The following DCDC1 variants were observed in gnomAD, a reference collection of about 807,000 sequenced individuals.
The protein encoded by DCDC1 is doublecortin domain-containing protein 1.
Under a neutral mutation model 178.3 loss-of-function variants are expected in DCDC1, and 200 were observed. The ratio of observed to expected loss-of-function variants is 1.12; its 90% CI spans 1.00 to 1.26. The LOEUF (loss-of-function observed/expected upper bound fraction) is 1.26, where lower values mean the gene tolerates loss of function less well. Among genes scored for constraint, DCDC1 ranks in the 50% most tolerant of loss-of-function variants. The pLI, the probability that DCDC1 is intolerant of heterozygous loss-of-function variation, is 0.00. For missense variants in DCDC1, 1,983 were observed against 1,749.2 expected (o/e 1.13, Z -2.38); for synonymous variants, 690 against 604.8 (o/e 1.14, Z -2.07).
rs59940255 is a variant in DCDC1 at position 30,884,033 on chromosome 11, A to ATTTTTTTTTTTTTTTTTTTTTTTTT, written c.5083-2726_5083-2725insAAAAAAAAAAAAAAAAAAAAAAAAA. Among the ~76,000 whole-genome samples, 7 of 95,784 alleles carry ATTTTTTTTTTTTTTTTTTTTTTTTT rather than the reference A, an allele frequency of 7.3e-5. 1 individual carries two copies. Among genetic ancestry groups the ATTTTTTTTTTTTTTTTTTTTTTTTT allele is most frequent in the Admixed American group, 2.5e-4 (2 of 7,846 alleles). The allele number at this position is 95,784 out of a possible 152,430, so 62.8% of individuals were successfully genotyped here. On this transcript the variant is annotated intron_variant, in intron 36 of 38. Coordinates refer to ENST00000684477, the MANE Select transcript of DCDC1 (RefSeq NM_001387274.1). ...AAAGAAAACCAAAGCATTCTTTCTCATTTTTTTTTTTTTTTGAGACAGGGT... is the reference window on the plus strand; with the variant it reads ...AAAGAAAACCAAAGCATTCTTTCTCATTTTTTTTTTTTTTTTTTTTTTTTTTTTTTTTTTTTTTTTGAGACAGGGT...
chr11:31,032,457 CAAAAT>C (rs1953714340), intron 20 of DCDC1, among the ~76,000 whole-genome samples: 1 of 150,986 alleles, frequency 6.6e-6, no homozygotes, highest in Admixed American at 6.6e-5. Context: ...AATCGAGAAA[CAAAAT>C]GAACAAATAA....
intron 9 of DCDC1, among the ~76,000 whole-genome samples, chr11:31,203,207 T>TA (rs1330072381): frequency 6.6e-6 from 1 of 152,160 alleles, no homozygotes; most frequent in Non-Finnish European, 1.5e-5. Context: ...AAATAAACAT[T>TA]ATAGTATGCT....
intron 3 of DCDC1, among the ~76,000 whole-genome samples, chr11:31,321,674 C>T (rs1949368459): frequency 6.6e-6 from 1 of 152,156 alleles, no homozygotes; most frequent in Non-Finnish European, 1.5e-5. Context: ...CATCTTGGCT[C>T]CTCCCCGCCC....
intron 22 of DCDC1, among the ~76,000 whole-genome samples, chr11:30,930,646 T>G (rs1012246304): frequency 6.6e-6 from 1 of 152,164 alleles, no homozygotes; most frequent in Non-Finnish European, 1.5e-5. Context: ...TCGGATTACC[T>G]GACTGAACCA....
chr11:31,312,163 C>T (rs780643289), intron 3 of DCDC1, among the ~76,000 whole-genome samples: 9 of 152,172 alleles, frequency 5.9e-5, no homozygotes, highest in Non-Finnish European at 1.3e-4. Flanking sequence ...ATTATAGGGA[C>T]TCTCATCCAG....
At chr11:31,339,282 A>T (rs1565631302) in intron 1 of DCDC1, among the ~76,000 whole-genome samples, 1 of 152,170 alleles carries the variant, frequency 6.6e-6, no homozygotes, top group Non-Finnish European at 1.5e-5. Flanking sequence ...GCCTTTAGGG[A>T]GGCAATTAAG....
intron 35 of DCDC1, among the ~76,000 whole-genome samples, chr11:30,893,874 T>C (rs567320345): frequency 6.6e-6 from 1 of 152,180 alleles, no homozygotes; most frequent in Non-Finnish European, 1.5e-5. Context: ...CCATTGCAAT[T>C]AGTATTTTAC....
chr11:30,907,368 T>C (rs947364794), intron 29 of DCDC1, among the ~76,000 whole-genome samples: 2 of 152,170 alleles, frequency 1.3e-5, no homozygotes, highest in Admixed American at 6.5e-5. Flanking sequence ...ATCCCACTCT[T>C]ATTTGCATGC....
chr11:30,962,590 GATTA>G (rs935021248), intron 20 of DCDC1, among the ~76,000 whole-genome samples: 8 of 151,872 alleles, frequency 5.3e-5, no homozygotes, highest in Non-Finnish European at 1.2e-4. Context: ...ATTTTTCAAA[GATTA>G]ATTATTAAAT....
chr11:31,122,149 T>G (rs919424398), intron 11 of DCDC1, among the ~76,000 whole-genome samples: 1 of 152,112 alleles, frequency 6.6e-6, no homozygotes, highest in Non-Finnish European at 1.5e-5. Flanking sequence ...CTGGAATTAA[T>G]GCAAGATGGT....
chr11:31,257,957 A>G (rs1372028954), intron 8 of DCDC1, among the ~76,000 whole-genome samples: 1 of 152,236 alleles, frequency 6.6e-6, no homozygotes, highest in Non-Finnish European at 1.5e-5. Flanking sequence ...TCCAATGCTT[A>G]GAAGAGTTGG....
At chr11:31,352,931 G>A (rs1357968158) in intron 1 of DCDC1, among the ~76,000 whole-genome samples, 2 of 152,146 alleles carry the variant, frequency 1.3e-5, no homozygotes, top group Non-Finnish European at 2.9e-5. Context: ...CAATTAGAAT[G>A]ACTATTTTAT....
At chr11:30,988,570 T>C (rs1378003191) in intron 20 of DCDC1, among the ~76,000 whole-genome samples, 1 of 152,206 alleles carries the variant, frequency 6.6e-6, no homozygotes, top group Non-Finnish European at 1.5e-5. Context: ...CCCAGCTTTC[T>C]TTCTGCTTCT....
At chr11:30,962,302 T>C (rs1461468031) in intron 20 of DCDC1, among the ~76,000 whole-genome samples, 1 of 152,060 alleles carries the variant, frequency 6.6e-6, no homozygotes, top group African/African-American at 2.4e-5. Flanking sequence ...ATCTGCCTTA[T>C]TGTATATTCA....
intron 20 of DCDC1, among the ~76,000 whole-genome samples, chr11:31,020,921 A>G (rs1405032377): frequency 1.3e-5 from 2 of 152,252 alleles, no homozygotes; most frequent in African/African-American, 2.4e-5. Flanking sequence ...TCAATAAGAA[A>G]ATACTGAAAT....
chr11:31,318,787 A>G (rs1228085759), intron 3 of DCDC1, among the ~76,000 whole-genome samples: 3 of 60,576 alleles, frequency 5.0e-5, no homozygotes, highest in East Asian at 2.5e-4. Flanking sequence ...TTTCTCTTGT[A>G]GGCATTTAGT....
chr11:30,890,621 T>C (rs966068152), intron 36 of DCDC1, among the ~76,000 whole-genome samples: 3 of 152,186 alleles, frequency 2.0e-5, no homozygotes, highest in South Asian at 2.1e-4. Context: ...TAAAAAAATC[T>C]GGACTTACCG....
At chr11:30,885,999 T>C (rs1299773962) in intron 36 of DCDC1, among the ~76,000 whole-genome samples, 1 of 152,180 alleles carries the variant, frequency 6.6e-6, no homozygotes, top group Admixed American at 6.5e-5. Flanking sequence ...TAGAAGGTTA[T>C]GACGCCGTTG....
chr11:31,115,775 G>A (rs976186345), intron 11 of DCDC1, among the ~76,000 whole-genome samples: 20 of 152,116 alleles, frequency 1.3e-4, no homozygotes, highest in African/African-American at 4.8e-4. Flanking sequence ...ATGGGCAGAT[G>A]GGCAAAGCAA....
Sources: gnomAD v4.1 joint callset for allele counts (sites outside exome capture counted in the v4.1 genomes callset) on GRCh38, gnomAD v4.1.1 for gene constraint, MANE v1.5 for transcripts, NCBI Gene and HGNC (gene_info 2026-07-23, HGNC 2026-07-21) for gene names.